Variants in TNC observed in about 807,000 individuals in gnomAD.
TNC encodes the protein tenascin.
Under a neutral mutation model 202.4 loss-of-function variants are expected in TNC, and 109 were observed. That is an observed-to-expected ratio of 0.54 (90% CI 0.46 to 0.63). The LOEUF (loss-of-function observed/expected upper bound fraction) is 0.63. Ranked by LOEUF, TNC falls within the 30% of genes least tolerant of loss-of-function variation. The probability of loss-of-function intolerance (pLI) is 0.00; values close to 1 mark genes in which losing one functional copy is unlikely to be tolerated. For synonymous variants in TNC, 1,007 were observed against 1,089.7 expected, an observed-to-expected ratio of 0.92 and a Z score of 1.50; for missense variants, 2,756 against 2,833.3, an observed-to-expected ratio of 0.97 and a Z score of 0.62.
At chr9:115,112,672 G>T (rs1177299975) in intron 1 of TNC, 1 of 152,298 alleles carries the variant, frequency 6.6e-6, no homozygotes, top group Non-Finnish European at 1.5e-5. Flanking sequence ...CCATCCCACA[G>T]TCCTGGGCAT....
chr9:115,081,204 A>C (rs1045628723), intron 6 of TNC, among the ~76,000 whole-genome samples: 15 of 152,126 alleles, frequency 9.9e-5, no homozygotes, highest in African/African-American at 3.6e-4. Flanking sequence ...TAACATTAAT[A>C]TTTTCCCTTC....
In TNC at chr9:115,064,212, A is replaced by G. The variant is rs1832767252; in HGVS notation, c.3488-144T>C. On this transcript the variant is annotated intron_variant, in intron 11 of 27. Coordinates refer to ENST00000350763, the MANE Select transcript of TNC (RefSeq NM_002160.4). ...AAACATGCATCATGCAACTCTTTAAATTTTAGAAATGGAGCAAAGAGAGGA... is the reference window on the plus strand; with the variant it reads ...AAACATGCATCATGCAACTCTTTAAGTTTTAGAAATGGAGCAAAGAGAGGA... The G allele has an allele frequency of 4.7e-6, 4 of 843,514 alleles. No homozygotes were observed. In the East Asian group the frequency reaches 1.1e-4, roughly 23 times the overall value. The allele number at this position is 843,514 out of a possible 1,614,324, so 52.3% of individuals were successfully genotyped here.
intron 14 of TNC, among the ~76,000 whole-genome samples, chr9:115,059,265 G>T (rs1832363905): frequency 6.6e-6 from 1 of 152,130 alleles, no homozygotes; most frequent in Non-Finnish European, 1.5e-5. Flanking sequence ...TTACATGCAA[G>T]AACCACACTA....
rs1833631573 is a variant in TNC, at chr9:115,073,732, C to T, written c.3085G>A (p.Val1029Met). Residue 1029 changes from valine to methionine, a missense_variant, in exon 10 of 28, where the codon GTG (valine) becomes ATG (methionine). Val to Met is a conservative substitution (Grantham distance 21). Transcript: ENST00000350763. The part of the protein sequence containing the change: ...YSLPTGQWVG[V>M]QLPRNTTSYV... Reference sequence around the variant, plus strand: ...GAAGTGGTGTTTCTTGGAAGCTGCACTCCCACCCACTGGCCTGTGGGGAGA... The same window carrying T: ...GAAGTGGTGTTTCTTGGAAGCTGCATTCCCACCCACTGGCCTGTGGGGAGA... The T allele has an allele frequency of 2.4e-5, 38 of 1,614,170 alleles. No individual in the cohort carries two copies. The highest frequency in any genetic ancestry group is 5.3e-5 in the African/African-American group (4 of 75,052).
chr9:115,050,416 G>A (rs1831558560), intron 15 of TNC, among the ~76,000 whole-genome samples: 1 of 151,996 alleles, frequency 6.6e-6, no homozygotes, highest in African/African-American at 2.4e-5. Context: ...TGGCCTGATG[G>A]GATCTGTGGC....
intron 1 of TNC, among the ~76,000 whole-genome samples, chr9:115,113,085 C>T (rs1448413882): frequency 6.6e-6 from 1 of 152,082 alleles, no homozygotes; most frequent in African/African-American, 2.4e-5. Flanking sequence ...CAGTTTTTTT[C>T]AAGAGGTGAA....
intron 6 of TNC, among the ~76,000 whole-genome samples, chr9:115,081,380 T>C (rs575655199): frequency 1.3e-5 from 2 of 152,208 alleles, no homozygotes; most frequent in African/African-American, 4.8e-5. Context: ...AAATATAAAC[T>C]GGCCGTGGGA....
At position 115,090,965 on chromosome 9, in the gene TNC, G is replaced by A. The variant is rs1315368242; in HGVS notation, c.54C>T (p.Leu18=). The A allele has an allele frequency of 9.9e-6, 16 of 1,613,898 alleles. No individual in the cohort carries two copies. The highest frequency in any genetic ancestry group is 1.7e-5 in the Admixed American group (1 of 60,024). The change falls in exon 2 of 28, where the codon CTC becomes CTT. Residue 18 remains leucine (L), a synonymous_variant. Coordinates refer to ENST00000350763, the MANE Select transcript of TNC (RefSeq NM_002160.4). ...LAGVFLAFLA[L]ATEGGVLKKV... is the part of the protein sequence containing the mutation. ...TCTTGAGGACCCCACCTTCGGTAGC[G>A]AGGGCAAGGAAAGCAAGAAAGACAC...
rs986646620 is a variant in TNC, at chr9:115,021,030, G to T, written c.*127C>A. ...GTTGCCGTTGGCCCCAGGGATCCAT[G>T]GTCAGCTTTGACTCTCACCAAATGC... On this transcript the variant is annotated 3_prime_UTR_variant, in exon 28 of 28. Coordinates refer to ENST00000350763, the MANE Select transcript of TNC (RefSeq NM_002160.4). The T allele has an allele frequency of 1.1e-5, 8 of 699,990 alleles. No homozygotes were observed. Among genetic ancestry groups the T allele is most frequent in the South Asian group, 7.7e-5 (4 of 51,630 alleles). 43.4% of individuals were successfully genotyped at this position (699,990 alleles called of 1,614,324 possible). A position where few individuals can be genotyped will look rare whatever the true frequency, so the allele number is the denominator to read the frequency against.
chr9:115,078,026 T>C lies in TNC; in HGVS notation c.2591A>G (p.Lys864Arg), dbSNP rs1834011231. The C allele has an allele frequency of 1.2e-6, 2 of 1,614,228 alleles. No homozygotes were observed. Among genetic ancestry groups the C allele is most frequent in the Middle Eastern group, 1.6e-4 (1 of 6,062 alleles). The change falls in exon 7 of 28, where the codon AAG becomes AGG. Residue 864 changes from lysine to arginine, a missense_variant. By Grantham distance (26) the Lys-to-Arg change is conservative. Coordinates refer to ENST00000350763, the MANE Select transcript of TNC (RefSeq NM_002160.4). ...DENQYSIGNL[K>R]PDTEYEVSLI... ...GGACACCTCGTACTCAGTGTCAGGC[T>C]TCAGGTTCCCGATGGAGTACTGGTT...
intron 14 of TNC, 24 bp from the exon 15 acceptor site, chr9:115,057,449 G>A (rs1195615238): frequency 1.3e-6 from 2 of 1,553,148 alleles, no homozygotes; most frequent in Admixed American, 2.0e-5. Flanking sequence ...GGGTAGGGGA[G>A]AAGAAAAAAA....
At position 115,082,866 on chromosome 9, in the gene TNC, C is replaced by T. The variant is rs530897124; in HGVS notation, c.2132-59G>A. 62 of 1,187,462 alleles carry T rather than the reference C, an allele frequency of 5.2e-5. 1 individual carries two copies. Among genetic ancestry groups the T allele is most frequent in the South Asian group, 4.5e-4 (36 of 80,546 alleles). The allele number at this position is 1,187,462 out of a possible 1,614,324, so 73.6% of individuals were successfully genotyped here. On this transcript the variant is annotated intron_variant, in intron 4 of 27. Transcript: ENST00000350763. ...AGGGCAGGTGTGTGATTGGGCAACG[C>T]GGCCACGATTCCACTAAACCAGACT...
intron 25 of TNC, among the ~76,000 whole-genome samples, chr9:115,028,836 A>C (rs1223560846): frequency 7.1e-6 from 1 of 140,606 alleles, no homozygotes; most frequent in South Asian, 2.3e-4. Flanking sequence ...TCTTTTTTTT[A>C]TCTTGCAACA....
chr9:115,036,546 C>T (rs984249224), intron 20 of TNC, among the ~76,000 whole-genome samples: 4 of 152,084 alleles, frequency 2.6e-5, no homozygotes, highest in South Asian at 2.1e-4. Context: ...CCACTGAGAC[C>T]GAGGTAGAGG....
intron 9 of TNC, among the ~76,000 whole-genome samples, chr9:115,075,051 T>A (rs1833738224): frequency 6.6e-6 from 1 of 152,240 alleles, no homozygotes; most frequent in African/African-American, 2.4e-5. Flanking sequence ...CGGCCTTGCA[T>A]CCCGCATAAT....
rs941286653 is a variant in TNC at position 115,021,149 on chromosome 9, C to T, written c.*8G>A. 9 of 1,608,948 alleles carry T rather than the reference C, an allele frequency of 5.6e-6. No individual in the cohort carries two copies. The highest frequency in any genetic ancestry group is 7.7e-6 in the Non-Finnish European group (9 of 1,175,686). ...CTTATTCCTCTCTCACCCAGTGGTCCCTGGAATTTATGCCCGTTTGCGCCT... is the reference window on the plus strand; with the variant it reads ...CTTATTCCTCTCTCACCCAGTGGTCTCTGGAATTTATGCCCGTTTGCGCCT... On this transcript the variant is annotated 3_prime_UTR_variant, in exon 28 of 28. Transcript: ENST00000350763.
At chr9:115,094,891 A>ATG in intron 1 of TNC, among the ~76,000 whole-genome samples, 1 of 148,796 alleles carries the variant, frequency 6.7e-6, no homozygotes, top group East Asian at 2.0e-4. Context: ...GCTGGGGATG[A>ATG]TGCAGGGAGG....
Position 115,086,065 on chromosome 9 carries a change from T to C in TNC, c.1666A>G (p.Lys556Glu), listed in dbSNP as rs1184495314. 6.2e-7 allele frequency: 1 copy of C among 1,614,070 alleles called. No individual in the cohort carries two copies. Among genetic ancestry groups the C allele is most frequent in the South Asian group, 1.1e-5 (1 of 91,080 alleles). The change falls in exon 3 of 28, where the codon AAA (lysine) becomes GAA (glutamate). Residue 556 changes from lysine (K) to glutamate (E), a missense_variant. Physicochemically the swap from Lys to Glu is moderately conservative, Grantham distance 56 (BLOSUM62 1). This residue lies in a region of TNC where 2,559 missense variants were observed against 2,546.0 expected (regional missense o/e 1.01). Transcript: ENST00000350763. Reference protein sequence around the residue: ...QCVCHEGFMGKDCKEQRCPSD... With the variant: ...QCVCHEGFMGEDCKEQRCPSD... ...GGACATCTTTGCTCCTTGCAGTCTT[T>C]GCCCATAAATCCTTCATGGCACACG... is the stretch of plus-strand genomic sequence containing the variant.
chr9:115,065,605 G>T (rs1832887814), intron 10 of TNC, among the ~76,000 whole-genome samples: 1 of 152,078 alleles, frequency 6.6e-6, no homozygotes, highest in Non-Finnish European at 1.5e-5. Context: ...GGTTTGAGCT[G>T]TCCGACCTTC....
Sources: gnomAD v4.1 joint callset for allele counts (sites outside exome capture counted in the v4.1 genomes callset) on GRCh38, gnomAD v4.1.1 for gene constraint, gnomAD v4.1.1 regional missense constraint, MANE v1.5 for transcripts, NCBI Gene and HGNC (gene_info 2026-07-23, HGNC 2026-07-21) for gene names.